Variants in THSD7A observed in about 807,000 individuals in gnomAD.
THSD7A encodes the protein thrombospondin type 1 domain containing 7A.
A neutral mutation model predicts 231.3 loss-of-function variants in THSD7A; 96 were observed. That is an observed-to-expected ratio of 0.41 (90% CI 0.35 to 0.49). The LOEUF (loss-of-function observed/expected upper bound fraction) is 0.49, where lower values mean the gene tolerates loss of function less well. Ranked by LOEUF, THSD7A falls within the 20% of genes least tolerant of loss-of-function variation. The pLI is 0.05. For missense variants in THSD7A, 2,290 were observed against 2,070.2 expected (o/e 1.11, Z -2.06); for synonymous variants, 940 against 743.3 (o/e 1.26, Z -4.30).
chr7:11,630,506 T>A (rs1781614327), intron 2 of THSD7A, among the ~76,000 whole-genome samples: 1 of 152,218 alleles, frequency 6.6e-6, no homozygotes, highest in Admixed American at 6.5e-5. Context: ...CCCAGTTATG[T>A]TTATCCCATG....
At chr7:11,728,163 T>A (rs1781609489) in intron 1 of THSD7A, among the ~76,000 whole-genome samples, 1 of 151,952 alleles carries the variant, frequency 6.6e-6, no homozygotes, top group South Asian at 2.1e-4. Flanking sequence ...TGCACATCAA[T>A]TTTTGCTCAT....
chr7:11,595,453 T>TA (rs1302694132), intron 2 of THSD7A, among the ~76,000 whole-genome samples: 2 of 152,066 alleles, frequency 1.3e-5, no homozygotes, highest in East Asian at 1.9e-4. Flanking sequence ...CTTGGGGAGT[T>TA]AAAAAAAGGT....
chr7:11,728,444 A>G (rs1273679383), intron 1 of THSD7A, among the ~76,000 whole-genome samples: 1 of 151,992 alleles, frequency 6.6e-6, no homozygotes, highest in Middle Eastern at 3.2e-3. Flanking sequence ...CTTGAAAAGT[A>G]TATAGAAAAC....
chr7:11,546,197 C>T (rs1166684719), intron 4 of THSD7A, among the ~76,000 whole-genome samples: 10 of 78,468 alleles, frequency 1.3e-4, no homozygotes, highest in East Asian at 6.5e-4. Context: ...CTGGTGTGGG[C>T]GCGCGCTCAC....
intron 6 of THSD7A, among the ~76,000 whole-genome samples, chr7:11,494,760 T>A (rs1165988586): frequency 3.3e-5 from 5 of 152,034 alleles, no homozygotes; most frequent in Non-Finnish European, 1.5e-5. Context: ...GTTCTCTACA[T>A]CATATGATAA....
intron 1 of THSD7A, among the ~76,000 whole-genome samples, chr7:11,646,054 T>A (rs999718450): frequency 1.3e-5 from 2 of 152,030 alleles, no homozygotes; most frequent in African/African-American, 4.8e-5. Flanking sequence ...GAGAAAATTC[T>A]TCTTCAAGTT....
chr7:11,531,235 C>A (rs1369892993), intron 6 of THSD7A, among the ~76,000 whole-genome samples: 1 of 152,198 alleles, frequency 6.6e-6, no homozygotes, highest in Non-Finnish European at 1.5e-5. Flanking sequence ...CTAAGCCACA[C>A]TGTCATCTCT....
At chr7:11,600,855 C>G (rs1780526873) in intron 2 of THSD7A, among the ~76,000 whole-genome samples, 1 of 152,126 alleles carries the variant, frequency 6.6e-6, no homozygotes, top group Admixed American at 6.5e-5. Context: ...AATTACAGCT[C>G]AAAGCATCAC....
intron 23 of THSD7A, among the ~76,000 whole-genome samples, chr7:11,400,110 A>G (rs1385613426): frequency 2.0e-5 from 3 of 146,590 alleles, no homozygotes; most frequent in African/African-American, 7.5e-5. Flanking sequence ...GAATTGAACA[A>G]TGAAAACACT....
chr7:11,726,091 A>G lies in THSD7A; in HGVS notation c.191-89130T>C, dbSNP rs1781535227. On this transcript the variant is annotated intron_variant, in intron 1 of 27. Transcript: ENST00000423059. Reference sequence around the variant, plus strand: ...TACTTTTGCTTTATAGAGAAACAAGATGATGTAAAATAGTTTCCATAAAAG... The same window carrying G: ...TACTTTTGCTTTATAGAGAAACAAGGTGATGTAAAATAGTTTCCATAAAAG... Among the ~76,000 whole-genome samples, 2 of 152,036 alleles carry G rather than the reference A, an allele frequency of 1.3e-5. 1 individual carries two copies. Among genetic ancestry groups the G allele is most frequent in the South Asian group, 4.1e-4 (2 of 4,832 alleles).
At position 11,512,959 on chromosome 7, in the gene THSD7A, A is replaced by ATATATATATATATATATG. The variant is rs1449312863; in HGVS notation, c.1822+28459_1822+28460insCATATATATATATATATA. On this transcript the variant is annotated intron_variant, in intron 6 of 27. Transcript: ENST00000423059. ...GAAACTATGATATATATATATATAT[A>ATATATATATATATATATG]TGTAAAATACTACTCAGCCATAAAA... Among the ~76,000 whole-genome samples the ATATATATATATATATATG allele has an allele frequency of 4.0e-4, 57 of 142,570 alleles. 2 individuals are homozygous for ATATATATATATATATATG. Among genetic ancestry groups the ATATATATATATATATATG allele is most frequent in the Non-Finnish European group, 8.0e-4 (52 of 65,252 alleles). The allele number at this position is 142,570 out of a possible 152,430, so 93.5% of individuals were successfully genotyped here.
At chr7:11,726,675 AT>A (rs1781558504) in intron 1 of THSD7A, among the ~76,000 whole-genome samples, 1 of 152,022 alleles carries the variant, frequency 6.6e-6, no homozygotes, top group Non-Finnish European at 1.5e-5. Flanking sequence ...GAGAAATGCA[AT>A]TTGGGCCGAC....
chr7:11,705,258 G>A (rs893813542), intron 1 of THSD7A, among the ~76,000 whole-genome samples: 4 of 151,012 alleles, frequency 2.6e-5, no homozygotes, highest in African/African-American at 9.7e-5. Flanking sequence ...TTTGCTTAAA[G>A]AGAGTCCCAG....
At chr7:11,574,109 G>A (rs1219425135) in intron 4 of THSD7A, among the ~76,000 whole-genome samples, 1 of 152,062 alleles carries the variant, frequency 6.6e-6, no homozygotes, top group Non-Finnish European at 1.5e-5. Context: ...GAAAATTTTG[G>A]GCTAGATATA....
chr7:11,768,484 T>C (rs1046057031), intron 1 of THSD7A, among the ~76,000 whole-genome samples: 9 of 152,166 alleles, frequency 5.9e-5, no homozygotes, highest in African/African-American at 2.2e-4. Context: ...TTGAAAGTCA[T>C]GAGACTGAAA....
intron 1 of THSD7A, among the ~76,000 whole-genome samples, chr7:11,733,369 T>C (rs965803413): frequency 3.9e-5 from 6 of 152,046 alleles, no homozygotes; most frequent in South Asian, 4.1e-4. Context: ...ATGTTGGGGG[T>C]TCTTAAATGA....
intron 16 of THSD7A, among the ~76,000 whole-genome samples, chr7:11,423,758 G>A (rs1212273781): frequency 6.6e-6 from 1 of 152,012 alleles, no homozygotes; most frequent in Non-Finnish European, 1.5e-5. Context: ...TTACTAGATG[G>A]GTATTCTTGG....
chr7:11,764,270 A>G (rs1270981840), intron 1 of THSD7A, among the ~76,000 whole-genome samples: 4 of 152,202 alleles, frequency 2.6e-5, no homozygotes, highest in African/African-American at 9.6e-5. Flanking sequence ...AATAGTCTAT[A>G]GTATAAAAAT....
chr7:11,401,649 T>A lies in THSD7A; in HGVS notation c.4411+146A>T, dbSNP rs1367645798. 6 of 649,394 alleles carry A rather than the reference T, an allele frequency of 9.2e-6. No individual in the cohort carries two copies. In the East Asian group the frequency reaches 2.0e-4, roughly 22 times the overall value. The allele number at this position is 649,394 out of a possible 1,614,324, so 40.2% of individuals were successfully genotyped here. On this transcript the variant is annotated intron_variant, in intron 23 of 27. Coordinates refer to ENST00000423059, the MANE Select transcript of THSD7A (RefSeq NM_015204.3). ...TGGTCTCACAACTCCTGGCCTCAGG[T>A]GATCCGCCCACCTAGGCCTCCCAAA...
Sources: gnomAD v4.1 joint callset for allele counts (sites outside exome capture counted in the v4.1 genomes callset) on GRCh38, gnomAD v4.1.1 for gene constraint, MANE v1.5 for transcripts, NCBI Gene and HGNC (gene_info 2026-07-23, HGNC 2026-07-21) for gene names.